DGCR8: variants seen among roughly 807,000 people sequenced by gnomAD.
The protein encoded by DGCR8 is DGCR8 microprocessor complex subunit.
Under a neutral mutation model 78.5 loss-of-function variants are expected in DGCR8, and 14 were observed. That is an observed-to-expected ratio of 0.18 (90% CI 0.12 to 0.28). DGCR8 has a LOEUF of 0.28. Among genes scored for constraint, DGCR8 ranks in the 10% least tolerant of loss-of-function variants. DGCR8 has a pLI of 1.00. For missense variants in DGCR8, 702 were observed against 1,022.5 expected, an observed-to-expected ratio of 0.69 and a Z score of 4.28; for synonymous variants, 399 against 402.4, an observed-to-expected ratio of 0.99 and a Z score of 0.10.
intron 9 of DGCR8, chr22:20,100,281 G>A: frequency 1.2e-6 from 1 of 851,978 alleles, no homozygotes; most frequent in Non-Finnish European, 1.4e-6. Flanking sequence ...TGGCCAGGAT[G>A]GTCTCTATCT....
chr22:20,108,879 A>G lies in DGCR8; in HGVS notation c.2125-11A>G, dbSNP rs754392835. ...CCTGCAGTCCTGAGCGTGAGGTGCT[A>G]TACTTCCCAGGAGACATCGGACAAG... On this transcript the variant is annotated splice_polypyrimidine_tract_variant and intron_variant, in intron 12 of 13. Transcript: ENST00000351989. 6.1e-6 allele frequency: 9 copies of G among 1,463,802 alleles called. No homozygotes were observed. The highest frequency in any genetic ancestry group is 3.4e-5 in the Admixed American group (2 of 59,512). The allele number at this position is 1,463,802 out of a possible 1,614,324, so 90.7% of individuals were successfully genotyped here. A position where few individuals can be genotyped will look rare whatever the true frequency, so the allele number is the denominator to read the frequency against.
Position 20,092,857 on chromosome 22 carries a change from C to G in DGCR8, c.1655C>G (p.Thr552Ser), listed in dbSNP as rs1308863179. Residue 552 changes from threonine (T) to serine (S), a missense_variant, in exon 8 of 14, where the codon ACT becomes AGT. By Grantham distance (58) the Thr-to-Ser change is moderately conservative (BLOSUM62 1). Transcript: ENST00000351989. ...FGASVTIDGV[T>S]YGSGTASSKK... ...GCCTCGGTGACCATTGATGGTGTGACTTACGGATCTGGAACTGCAAGCAGC... is the reference window on the plus strand; with the variant it reads ...GCCTCGGTGACCATTGATGGTGTGAGTTACGGATCTGGAACTGCAAGCAGC... The G allele has an allele frequency of 6.2e-7, 1 of 1,613,828 alleles. No individual in the cohort carries two copies. The highest frequency in any genetic ancestry group is 2.2e-5 in the East Asian group (1 of 44,860).
At chr22:20,108,867 G>T (rs1568963376) in intron 12 of DGCR8, 23 bp from the exon 13 acceptor site, 1 of 1,277,444 alleles carries the variant, frequency 7.8e-7, no homozygotes. Flanking sequence ...GCAGTCCTGA[G>T]CGTGAGGTGC....
intron 10 of DGCR8, 152 bp downstream of exon 10, chr22:20,106,429 C>G (rs2049770617): frequency 1.2e-6 from 1 of 815,034 alleles, no homozygotes; most frequent in Non-Finnish European, 2.0e-6. Context: ...CCAGTCAGTC[C>G]CACAGGCCTG....
intron 12 of DGCR8, 121 bp from the exon 13 acceptor site, chr22:20,108,769 T>A (rs1025270127): frequency 1.0e-4 from 15 of 150,474 alleles, no homozygotes; most frequent in Non-Finnish European, 1.7e-4. Flanking sequence ...CCTGGCTGTT[T>A]CGTGTCTGCC....
chr22:20,100,235 T>C (rs776224195), intron 9 of DGCR8: 19 of 527,462 alleles, frequency 3.6e-5, no homozygotes, highest in Non-Finnish European at 4.6e-5. Context: ...CCCGGCTAAT[T>C]TTTGTATTTT....
At chr22:20,096,353 A>C in intron 9 of DGCR8, 1 of 723,434 alleles carries the variant, frequency 1.4e-6, no homozygotes, top group Non-Finnish European at 1.7e-6. Context: ...TGGCAGAGGC[A>C]GAAGAAAATT....
Position 20,085,771 on chromosome 22 carries a change from A to G in DGCR8, c.-193A>G. The G allele has an allele frequency of 3.5e-6, 5 of 1,426,518 alleles. No homozygotes were observed. Among genetic ancestry groups the G allele is most frequent in the South Asian group, 1.7e-5 (1 of 57,890 alleles). The allele number at this position is 1,426,518 out of a possible 1,614,324, so 88.4% of individuals were successfully genotyped here. A position where few individuals can be genotyped will look rare whatever the true frequency, so the allele number is the denominator to read the frequency against. Reference sequence around the variant, plus strand: ...TAAGCTGAGTGCATTGTGATTTCCAATAATTGAGGCAGTGGTTCTAAAAGC... The same window carrying G: ...TAAGCTGAGTGCATTGTGATTTCCAGTAATTGAGGCAGTGGTTCTAAAAGC... On this transcript the variant is annotated 5_prime_UTR_variant, in exon 2 of 14. Transcript: ENST00000351989. The surrounding 1 kb of genome is among the most constrained non-coding windows in gnomAD (Gnocchi z 6.2).
intron 11 of DGCR8, 31 bp from the exon 12 acceptor site, chr22:20,107,240 C>G (rs751035951): frequency 1.2e-6 from 2 of 1,613,914 alleles, no homozygotes; most frequent in Non-Finnish European, 1.7e-6. Flanking sequence ...GTTTGTGACC[C>G]CCTCTCCATG....
At chr22:20,083,690 A>C (rs1388068770) in intron 1 of DGCR8, among the ~76,000 whole-genome samples, 2 of 151,902 alleles carry the variant, frequency 1.3e-5, no homozygotes, top group Non-Finnish European at 2.9e-5. Flanking sequence ...AGAATCATGG[A>C]TTGACTCACC....
rs1423158658 is a variant in DGCR8 at position 20,094,721 on chromosome 22, A to G, written c.1714A>G (p.Thr572Ala). 1 of 1,614,068 alleles carries G rather than the reference A, an allele frequency of 6.2e-7. No individual in the cohort carries two copies. Among genetic ancestry groups the G allele is most frequent in the Non-Finnish European group, 8.5e-7 (1 of 1,179,956 alleles). The change falls in exon 9 of 14, where the codon ACA (threonine) becomes GCA (alanine). Residue 572 changes from threonine (T) to alanine (A), a missense_variant. Coordinates refer to ENST00000351989, the MANE Select transcript of DGCR8 (RefSeq NM_022720.7). ...KLAKNKAARA[T>A]LEILIPDFVK... is the part of the protein sequence containing the mutation. ...GCTCTTTTTTTTCATAGCCCGAGCT[A>G]CACTGGAAATCCTCATCCCTGACTT...
At chr22:20,098,235 C>T (rs1040671614) in intron 9 of DGCR8, among the ~76,000 whole-genome samples, 1 of 151,992 alleles carries the variant, frequency 6.6e-6, no homozygotes, top group African/African-American at 2.4e-5. Flanking sequence ...AAGCAATCTG[C>T]CCACCTCAGC....
intron 10 of DGCR8, 29 bp from the exon 11 acceptor site, chr22:20,106,563 C>A: frequency 6.5e-7 from 1 of 1,532,550 alleles, no homozygotes; most frequent in Non-Finnish European, 9.0e-7. Context: ...GCTCAGGGGA[C>A]GCCATCTGTT....
chr22:20,111,170 T>C lies in DGCR8; in HGVS notation c.*1062T>C, dbSNP rs911909496. 4.8e-4 allele frequency: 192 copies of C among 398,802 alleles called. No individual in the cohort carries two copies. The highest frequency in any genetic ancestry group is 2.5e-3 in the Middle Eastern group (4 of 1,588). The allele number at this position is 398,802 out of a possible 1,614,324, so 24.7% of individuals were successfully genotyped here. A position where few individuals can be genotyped will look rare whatever the true frequency, so the allele number is the denominator to read the frequency against. Reference sequence around the variant, plus strand: ...AGCTTGCTTCTCGACTGGTGGCCCCTATGGGTGGGTGTGCGATGGAAATGT... The same window carrying C: ...AGCTTGCTTCTCGACTGGTGGCCCCCATGGGTGGGTGTGCGATGGAAATGT... On this transcript the variant is annotated 3_prime_UTR_variant, in exon 14 of 14. Coordinates refer to ENST00000351989, the MANE Select transcript of DGCR8 (RefSeq NM_022720.7).
At chr22:20,092,747 C>T (rs921788435) in intron 7 of DGCR8, 62 bp from the exon 8 acceptor site, 7 of 1,430,834 alleles carry the variant, frequency 4.9e-6, no homozygotes, top group Non-Finnish European at 5.9e-6. Flanking sequence ...TGTGGGCAGA[C>T]TGTGCACACG....
intron 1 of DGCR8, among the ~76,000 whole-genome samples, chr22:20,082,201 C>T (rs192928220): frequency 1.1e-3 from 164 of 151,988 alleles, no homozygotes; most frequent in African/African-American, 3.8e-3. Flanking sequence ...GGACTGCAGG[C>T]GTCCACCACC....
At chr22:20,107,697 T>A (rs2049786896) in intron 12 of DGCR8, 1 of 417,940 alleles carries the variant, frequency 2.4e-6, no homozygotes, top group African/African-American at 2.0e-5. Flanking sequence ...CAGGAGATGC[T>A]GAAGGTGCGC....
chr22:20,081,616 G>T, intron 1 of DGCR8, among the ~76,000 whole-genome samples: 1 of 152,172 alleles, frequency 6.6e-6, no homozygotes, highest in East Asian at 1.9e-4. Flanking sequence ...TCTTGTTGTA[G>T]CCCTCTCCTT....
rs571964951 is a variant in DGCR8 at position 20,108,076 on chromosome 22, C to G, written c.2124+678C>G. ...TGGGTGGGCCCTCTGCCCAAGCCAGCTGCCAAGAGCAGGGCCTGCCTTTAG... is the reference window on the plus strand; with the variant it reads ...TGGGTGGGCCCTCTGCCCAAGCCAGGTGCCAAGAGCAGGGCCTGCCTTTAG... On this transcript the variant is annotated intron_variant, in intron 12 of 13. Transcript: ENST00000351989. 167 of 153,044 alleles carry G rather than the reference C, an allele frequency of 1.1e-3. 1 individual carries two copies. The South Asian group carries it at 0.033, about 31-fold the overall frequency. 9.5% of individuals were successfully genotyped at this position (153,044 alleles called of 1,614,324 possible). A position where few individuals can be genotyped will look rare whatever the true frequency, so the allele number is the denominator to read the frequency against.
Sources: allele counts gnomAD v4.1 joint callset (sites outside exome capture counted in the v4.1 genomes callset), GRCh38; gene constraint gnomAD v4.1.1; non-coding constraint Gnocchi (gnomAD v3.1); transcripts MANE v1.5; gene names NCBI Gene and HGNC (gene_info 2026-07-23, HGNC 2026-07-21).